Variants in COL25A1 observed in about 807,000 individuals in gnomAD.
COL25A1 encodes the protein collagen alpha-1(XXV) chain.
A neutral mutation model predicts 128.4 loss-of-function variants in COL25A1; 103 were observed. That is an observed-to-expected ratio of 0.80 (90% CI 0.68 to 0.94). The LOEUF is 0.94. Ranked by LOEUF, COL25A1 falls within the 40% of genes least tolerant of loss-of-function variation. The pLI is 0.00. For missense variants in COL25A1, 745 were observed against 840.0 expected, an observed-to-expected ratio of 0.89 and a Z score of 1.40; for synonymous variants, 279 against 277.2, an observed-to-expected ratio of 1.01 and a Z score of -0.06.
At chr4:108,949,521 T>A (rs1434302891) in intron 8 of COL25A1, among the ~76,000 whole-genome samples, 1 of 151,556 alleles carries the variant, frequency 6.6e-6, no homozygotes, top group Non-Finnish European at 1.5e-5. Context: ...AACCAGCATA[T>A]TTTCCATAAA....
intron 8 of COL25A1, among the ~76,000 whole-genome samples, chr4:108,961,568 C>CCTGTTCTGTTCTGTT (rs55657985): frequency 0.075 from 10,112 of 135,420 alleles, 632 homozygotes; most frequent in East Asian, 0.19. Flanking sequence ...AGAAGGTTCT[C>CCTGTTCTGTTCTGTT]CTGTTCTGTT....
At chr4:108,856,901 T>C (rs559702137) in intron 24 of COL25A1, among the ~76,000 whole-genome samples, 2 of 152,210 alleles carry the variant, frequency 1.3e-5, no homozygotes, top group Non-Finnish European at 2.9e-5. Flanking sequence ...CGTGGACTCA[T>C]AGAAAAAAAT....
intron 31 of COL25A1, among the ~76,000 whole-genome samples, chr4:108,833,000 T>TAAATAAATAAATAAATAAAG (rs1336061670): frequency 3.3e-5 from 5 of 151,870 alleles, no homozygotes; most frequent in Non-Finnish European, 7.4e-5. Context: ...AATAAATAAA[T>TAAATAAATAAATAAATAAAG]AAAGCATCTT....
chr4:108,857,391 AC>A (rs1736654109), intron 24 of COL25A1, among the ~76,000 whole-genome samples: 2 of 152,072 alleles, frequency 1.3e-5, no homozygotes, highest in African/African-American at 4.8e-5. Flanking sequence ...TTTGACAGTA[AC>A]CCAGAGGCCA....
chr4:108,910,948 G>C (rs995617157), intron 13 of COL25A1, among the ~76,000 whole-genome samples: 5 of 152,178 alleles, frequency 3.3e-5, no homozygotes, highest in Non-Finnish European at 7.3e-5. Context: ...CACTGATGCT[G>C]TCTCACAGTT....
rs939213953 is a variant in COL25A1, at chr4:109,008,745, A to G, written c.438+1613T>C. On this transcript the variant is annotated intron_variant, in intron 6 of 37. Coordinates refer to ENST00000399132, the MANE Select transcript of COL25A1 (RefSeq NM_198721.4). ...TCTGTTTCTGTATGTTTATACACAT[A>G]CATGCGCGCGCACACACACACACAC... Among the ~76,000 whole-genome samples, 4 of 41,968 alleles carry G rather than the reference A, an allele frequency of 9.5e-5. No individual in the cohort carries two copies. In the African/African-American group the frequency reaches 1.8e-3, roughly 19 times the overall value. 27.5% of individuals were successfully genotyped at this position (41,968 alleles called of 152,430 possible). A position where few individuals can be genotyped will look rare whatever the true frequency, so the allele number is the denominator to read the frequency against.
intron 3 of COL25A1, among the ~76,000 whole-genome samples, chr4:109,174,938 T>C (rs1367991931): frequency 6.6e-6 from 1 of 152,154 alleles, no homozygotes; most frequent in Non-Finnish European, 1.5e-5. Context: ...TCAGCAGTGG[T>C]AGTAGATTCT....
chr4:108,884,176 A>G lies in COL25A1; in HGVS notation c.1020+2T>C, dbSNP rs375320549. On this transcript the variant is annotated splice_donor_variant, in intron 19 of 37. Transcript: ENST00000399132. LOFTEE classifies it high-confidence loss of function. ...AGCCGAGACTGTCCGTGCAGTATTTACCTTTATCCCCGGAAGTCCAGGAAG... is the reference window on the plus strand; with the variant it reads ...AGCCGAGACTGTCCGTGCAGTATTTGCCTTTATCCCCGGAAGTCCAGGAAG... 15 of 1,613,616 alleles carry G rather than the reference A, an allele frequency of 9.3e-6. No individual in the cohort carries two copies. In the African/African-American group the frequency reaches 1.7e-4, roughly 19 times the overall value.
chr4:109,277,765 T>C, intron 3 of COL25A1, among the ~76,000 whole-genome samples: 1 of 152,216 alleles, frequency 6.6e-6, no homozygotes, highest in Non-Finnish European at 1.5e-5. Context: ...TCTGGCCCAA[T>C]TAATACATTT....
chr4:109,243,128 CTTAATA>C (rs1371992622), intron 3 of COL25A1, among the ~76,000 whole-genome samples: 1 of 152,004 alleles, frequency 6.6e-6, no homozygotes, highest in African/African-American at 2.4e-5. Context: ...ACTTTCGTTT[CTTAATA>C]TTAAACTATT....
At chr4:108,872,119 T>C (rs12332064) in intron 19 of COL25A1, among the ~76,000 whole-genome samples, 2,534 of 152,234 alleles carry the variant, frequency 0.017, 69 homozygotes, top group African/African-American at 0.057. Flanking sequence ...ACACGGAGTA[T>C]GAAAAGTTCA....
At chr4:108,893,965 T>A (rs1278515700) in intron 16 of COL25A1, among the ~76,000 whole-genome samples, 2 of 152,212 alleles carry the variant, frequency 1.3e-5, no homozygotes, top group Non-Finnish European at 1.5e-5. Context: ...TAGAAATAAT[T>A]TCCGTTTTAC....
At chr4:109,194,391 A>T (rs1024528147) in intron 3 of COL25A1, among the ~76,000 whole-genome samples, 1 of 152,196 alleles carries the variant, frequency 6.6e-6, no homozygotes, top group African/African-American at 2.4e-5. Flanking sequence ...TTAGCCTGTT[A>T]TCTCAATTGA....
chr4:108,958,141 G>T (rs1750282220), intron 8 of COL25A1, among the ~76,000 whole-genome samples: 1 of 151,742 alleles, frequency 6.6e-6, no homozygotes. Flanking sequence ...TATCAAGGTG[G>T]ACACAAACAA....
intron 24 of COL25A1, among the ~76,000 whole-genome samples, chr4:108,853,450 C>CT (rs984087204): frequency 1.1e-4 from 17 of 151,260 alleles, no homozygotes; most frequent in Admixed American, 2.6e-4. Context: ...ATCTAATTTC[C>CT]TTTTTTTTGG....
intron 3 of COL25A1, among the ~76,000 whole-genome samples, chr4:109,089,353 G>A (rs1019863355): frequency 6.6e-6 from 1 of 152,042 alleles, no homozygotes; most frequent in Non-Finnish European, 1.5e-5. Flanking sequence ...CACCTCATAG[G>A]ACATGAAGAA....
intron 11 of COL25A1, among the ~76,000 whole-genome samples, chr4:108,928,038 G>T (rs530341411): frequency 1.5e-4 from 23 of 152,120 alleles, no homozygotes; most frequent in African/African-American, 5.5e-4. Flanking sequence ...GCTTCGTATT[G>T]CTAAACCCAA....
intron 3 of COL25A1, among the ~76,000 whole-genome samples, chr4:109,226,822 G>T (rs150028832): frequency 6.6e-6 from 1 of 151,918 alleles, no homozygotes; most frequent in African/African-American, 2.4e-5. Flanking sequence ...TACAAAATAG[G>T]CAATAATAAT....
At chr4:109,233,702 A>C (rs1231988319) in intron 3 of COL25A1, among the ~76,000 whole-genome samples, 1 of 152,204 alleles carries the variant, frequency 6.6e-6, no homozygotes, top group Non-Finnish European at 1.5e-5. Context: ...ATTGTGAAGA[A>C]TGACTAATAA....
Sources: gnomAD v4.1 joint callset for allele counts (sites outside exome capture counted in the v4.1 genomes callset) on GRCh38, gnomAD v4.1.1 for gene constraint, MANE v1.5 for transcripts, NCBI Gene and HGNC (gene_info 2026-07-23, HGNC 2026-07-21) for gene names.